The following TRERF1 variants were observed in gnomAD, a reference collection of about 807,000 sequenced individuals.
The protein encoded by TRERF1 is transcriptional-regulating factor 1.
TRERF1 carries 27 observed loss-of-function variants against 122.9 expected under a neutral mutation model. The ratio of observed to expected loss-of-function variants is 0.22; its 90% CI spans 0.16 to 0.30. TRERF1 has a LOEUF of 0.30. Among genes scored for constraint, TRERF1 ranks in the 10% least tolerant of loss-of-function variants. TRERF1 has a pLI of 1.00. For missense variants in TRERF1, 1,248 were observed against 1,560.3 expected, an observed-to-expected ratio of 0.80 and a Z score of 3.37; for synonymous variants, 636 against 641.7, an observed-to-expected ratio of 0.99 and a Z score of 0.13.
chr6:42,352,264 G>A (rs896330136), intron 3 of TRERF1, among the ~76,000 whole-genome samples: 2 of 152,152 alleles, frequency 1.3e-5, no homozygotes, highest in African/African-American at 2.4e-5. Context: ...CAAAGTGCTC[G>A]GATTACAGGC....
intron 3 of TRERF1, among the ~76,000 whole-genome samples, chr6:42,304,728 G>GA (rs1202812017): frequency 6.6e-6 from 1 of 152,122 alleles, no homozygotes; most frequent in East Asian, 1.9e-4. Flanking sequence ...CCGAGACAAT[G>GA]AAAAAACTCT....
At chr6:42,233,909 A>C (rs190420591) in intron 16 of TRERF1, among the ~76,000 whole-genome samples, 1 of 152,260 alleles carries the variant, frequency 6.6e-6, no homozygotes, top group East Asian at 1.9e-4. Context: ...AAGACCCCCA[A>C]ATTTTAATAC....
intron 3 of TRERF1, among the ~76,000 whole-genome samples, chr6:42,312,516 C>T (rs914993239): frequency 2.0e-5 from 3 of 152,212 alleles, no homozygotes; most frequent in Non-Finnish European, 4.4e-5. Context: ...CTCTCTGATC[C>T]TCGGCATTCC....
At chr6:42,442,267 T>G (rs1037062694) in intron 2 of TRERF1, among the ~76,000 whole-genome samples, 3 of 151,468 alleles carry the variant, frequency 2.0e-5, no homozygotes, top group African/African-American at 7.3e-5. Flanking sequence ...TTCTTTTCCT[T>G]TAAAAAAAAA....
intron 3 of TRERF1, among the ~76,000 whole-genome samples, chr6:42,342,313 G>C (rs1767458848): frequency 6.6e-6 from 1 of 152,176 alleles, no homozygotes; most frequent in Non-Finnish European, 1.5e-5. Flanking sequence ...AAACTAGGGT[G>C]GTTGGTCACC....
chr6:42,419,245 A>G (rs971224871), intron 2 of TRERF1, among the ~76,000 whole-genome samples: 1 of 67,644 alleles, frequency 1.5e-5, no homozygotes, highest in Non-Finnish European at 3.2e-5. Context: ...ACTTCCCCCC[A>G]CCGCCCCACC....
Position 42,314,645 on chromosome 6 carries a change from G to A in TRERF1, c.-370-13896C>T, listed in dbSNP as rs548480667. Among the ~76,000 whole-genome samples, 5 of 152,266 alleles carry A rather than the reference G, an allele frequency of 3.3e-5. No individual in the cohort carries two copies. The South Asian group carries it at 1.0e-3, about 32-fold the overall frequency. ...TGTATTAGATGGCTGTAGATGCTATGGGAAAAAACAAAGTAGGAAATAGTC... is the reference window on the plus strand; with the variant it reads ...TGTATTAGATGGCTGTAGATGCTATAGGAAAAAACAAAGTAGGAAATAGTC... On this transcript the variant is annotated intron_variant, in intron 3 of 17. Transcript: ENST00000372922.
chr6:42,406,753 T>A (rs768117071), intron 2 of TRERF1, among the ~76,000 whole-genome samples: 1 of 151,802 alleles, frequency 6.6e-6, no homozygotes, highest in Non-Finnish European at 1.5e-5. Flanking sequence ...CTCATGACAC[T>A]TACCCCCCAC....
chr6:42,320,232 T>C (rs935511159), intron 3 of TRERF1, among the ~76,000 whole-genome samples: 4 of 152,088 alleles, frequency 2.6e-5, no homozygotes, highest in African/African-American at 9.7e-5. Flanking sequence ...TATATGTCTA[T>C]TCAATCAAAC....
At chr6:42,353,858 A>C (rs1447479695) in intron 3 of TRERF1, among the ~76,000 whole-genome samples, 2 of 152,262 alleles carry the variant, frequency 1.3e-5, no homozygotes, top group African/African-American at 4.8e-5. Flanking sequence ...ATAGTTATAA[A>C]TGCATAAGAA....
At chr6:42,349,980 G>A (rs1036346186) in intron 3 of TRERF1, among the ~76,000 whole-genome samples, 2 of 152,162 alleles carry the variant, frequency 1.3e-5, no homozygotes, top group African/African-American at 2.4e-5. Flanking sequence ...TTGTGTTTTA[G>A]AGGAAAATCG....
chr6:42,292,446 T>C (rs1398554778), intron 4 of TRERF1, among the ~76,000 whole-genome samples: 1 of 152,146 alleles, frequency 6.6e-6, no homozygotes, highest in African/African-American at 2.4e-5. Context: ...TTATCCACAA[T>C]GATGATCCAG....
chr6:42,415,473 AGAAAAATTCTT>A (rs1371931857), intron 2 of TRERF1, among the ~76,000 whole-genome samples: 6 of 152,160 alleles, frequency 3.9e-5, no homozygotes, highest in African/African-American at 1.4e-4. Context: ...CCAAGACAAC[AGAAAAATTCTT>A]CTATGGCTTT....
chr6:42,304,139 G>C (rs530301501), intron 3 of TRERF1, among the ~76,000 whole-genome samples: 1 of 152,186 alleles, frequency 6.6e-6, no homozygotes, highest in Non-Finnish European at 1.5e-5. Context: ...AGTTTGGCCA[G>C]TGGCAAAATT....
At chr6:42,447,564 C>T (rs1258408879) in intron 2 of TRERF1, among the ~76,000 whole-genome samples, 1 of 152,214 alleles carries the variant, frequency 6.6e-6, no homozygotes, top group Non-Finnish European at 1.5e-5. Context: ...AATCCTTCCT[C>T]CTCCCTCAGC....
chr6:42,289,347 C>CAA (rs752960127), intron 4 of TRERF1, among the ~76,000 whole-genome samples: 11 of 112,276 alleles, frequency 9.8e-5, no homozygotes, highest in African/African-American at 3.4e-4. Context: ...AACAAACAAA[C>CAA]AAAAAAAAAA....
intron 3 of TRERF1, among the ~76,000 whole-genome samples, chr6:42,304,057 T>C (rs996025845): frequency 1.3e-5 from 2 of 152,170 alleles, no homozygotes; most frequent in African/African-American, 2.4e-5. Context: ...AGGGGCACCC[T>C]TGCCCTCCCT....
chr6:42,312,840 G>A (rs480057), intron 3 of TRERF1, among the ~76,000 whole-genome samples: 104,942 of 152,066 alleles, frequency 0.69, 36,321 homozygotes, highest in East Asian at 0.85. Flanking sequence ...CAAGGGCAGA[G>A]TGGGAGACAG....
intron 3 of TRERF1, among the ~76,000 whole-genome samples, chr6:42,342,784 TCTCTCTC>T (rs1767534504): frequency 6.6e-6 from 1 of 152,180 alleles, no homozygotes; most frequent in Non-Finnish European, 1.5e-5. Flanking sequence ...TACTAACATG[TCTCTCTC>T]GTCAGTCTCT....
Sources: gnomAD v4.1 joint callset for allele counts (sites outside exome capture counted in the v4.1 genomes callset) on GRCh38, gnomAD v4.1.1 for gene constraint, MANE v1.5 for transcripts, NCBI Gene and HGNC (gene_info 2026-07-23, HGNC 2026-07-21) for gene names.